INPP4A: variants seen among roughly 807,000 people sequenced by gnomAD.
INPP4A encodes inositol polyphosphate-4-phosphatase type I A.
INPP4A carries 33 observed loss-of-function variants against 119.8 expected under a neutral mutation model. The observed-to-expected ratio is 0.28, with a 90% CI of 0.21 to 0.37. INPP4A has a LOEUF of 0.37. Ranked by LOEUF, INPP4A falls within the 10% of genes least tolerant of loss-of-function variation. The probability of loss-of-function intolerance (pLI) is 1.00; values close to 1 mark genes in which losing one functional copy is unlikely to be tolerated. For missense variants in INPP4A, 956 were observed against 1,289.9 expected, an observed-to-expected ratio of 0.74 and a Z score of 3.97; for synonymous variants, 496 against 500.7, an observed-to-expected ratio of 0.99 and a Z score of 0.12.
In INPP4A at chr2:98,570,076, C is replaced by T. The variant is rs1697183001; in HGVS notation, c.2518+1408C>T. On this transcript the variant is annotated intron_variant, in intron 22 of 24. Coordinates refer to ENST00000409851, the MANE Select transcript of INPP4A (RefSeq NM_001134225.2). The surrounding 1 kb of genome is among the most constrained non-coding windows in gnomAD (Gnocchi z 4.3). ...GTGTCTGCTGGGAGAGCTGACAGAC[C>T]TGGCTCTGGGCAAGGACGCTGGAGT... 6.6e-6 allele frequency among the ~76,000 whole-genome samples: 1 copy of T among 152,068 alleles called. No individual in the cohort carries two copies. Among genetic ancestry groups the T allele is most frequent in the Non-Finnish European group, 1.5e-5 (1 of 68,004 alleles).
At chr2:98,585,062 C>A (rs1699805890) in intron 24 of INPP4A, among the ~76,000 whole-genome samples, 1 of 152,170 alleles carries the variant, frequency 6.6e-6, no homozygotes, top group African/African-American at 2.4e-5. Flanking sequence ...TTAGGGAAAC[C>A]ACAATCAGGA....
At chr2:98,455,834 G>A (rs1696045716) in intron 1 of INPP4A, among the ~76,000 whole-genome samples, 1 of 152,200 alleles carries the variant, frequency 6.6e-6, no homozygotes. Flanking sequence ...TAGAGAAGAA[G>A]AAACATAGTG....
chr2:98,574,145 C>G (rs1698001188), intron 23 of INPP4A, among the ~76,000 whole-genome samples: 1 of 152,158 alleles, frequency 6.6e-6, no homozygotes, highest in Non-Finnish European at 1.5e-5. Flanking sequence ...ATTGCTTGCT[C>G]AGGCCAGGCC....
At position 98,578,709 on chromosome 2, in the gene INPP4A, C is replaced by T. The variant is rs570954815; in HGVS notation, c.2786+1566C>T. 1.2e-4 allele frequency among the ~76,000 whole-genome samples: 19 copies of T among 152,340 alleles called. No individual in the cohort carries two copies. In the South Asian group the frequency reaches 3.7e-3, roughly 30 times the overall value. On this transcript the variant is annotated intron_variant, in intron 24 of 24. Coordinates refer to ENST00000409851, the MANE Select transcript of INPP4A (RefSeq NM_001134225.2). ...TACAGCTGTTAGGATGTATAGTGCA[C>T]AAAGCACTTTTTATAACTTTTACTC... is the stretch of plus-strand genomic sequence containing the variant.
In INPP4A at chr2:98,520,302, CCAG is replaced by C. The variant is rs1686939574; in HGVS notation, c.106+149_106+151del. On this transcript the variant is annotated intron_variant, in intron 3 of 24. Transcript: ENST00000409851. ...CTGGTTTGGCATCCTTCTGGTTGAA[CCAG>C]GAAATAGGGAAGGGGGATGTCAGCC... 6.1e-6 allele frequency: 4 copies of C among 660,672 alleles called. No individual in the cohort carries two copies. In the South Asian group the frequency reaches 7.4e-5, roughly 12 times the overall value. The allele number at this position is 660,672 out of a possible 1,614,324, so 40.9% of individuals were successfully genotyped here.
intron 4 of INPP4A, among the ~76,000 whole-genome samples, chr2:98,524,725 A>T (rs935714859): frequency 4.6e-5 from 7 of 151,048 alleles, no homozygotes; most frequent in Non-Finnish European, 8.8e-5. Flanking sequence ...AGACAAGTAG[A>T]TCAATCAAAT....
At chr2:98,448,146 A>C (rs1421090148) in intron 1 of INPP4A, among the ~76,000 whole-genome samples, 1 of 151,802 alleles carries the variant, frequency 6.6e-6, no homozygotes, top group Non-Finnish European at 1.5e-5. Context: ...ACTTGAGTCC[A>C]GGAGTTTGAG....
intron 14 of INPP4A, among the ~76,000 whole-genome samples, chr2:98,553,550 C>T (rs1386225038): frequency 6.6e-6 from 1 of 150,750 alleles, no homozygotes; most frequent in Non-Finnish European, 1.5e-5. Flanking sequence ...CACAAACACG[C>T]TCTCATACAC....
chr2:98,576,771 C>A (rs1345021650), intron 23 of INPP4A, among the ~76,000 whole-genome samples: 1 of 152,190 alleles, frequency 6.6e-6, no homozygotes, highest in African/African-American at 2.4e-5. Context: ...AGGCGGCAGG[C>A]CCCCAAAAGG....
Position 98,533,377 on chromosome 2 carries a change from C to T in INPP4A, c.152C>T (p.Ala51Val). 1 of 1,600,488 alleles carries T rather than the reference C, an allele frequency of 6.2e-7. No homozygotes were observed. Among genetic ancestry groups the T allele is most frequent in the Middle Eastern group, 1.7e-4 (1 of 6,044 alleles). The change falls in exon 5 of 25, where the codon GCT (alanine) becomes GTT (valine). Residue 51 changes from alanine to valine, a missense_variant and splice_region_variant. Ala to Val is a moderately conservative substitution (Grantham distance 64). Transcript: ENST00000409851. ...TTTCTTTCCCGTGTTGATTCTGTAGCTTGCAGTGAGCTGCATACTCCATCG... is the reference window on the plus strand; with the variant it reads ...TTTCTTTCCCGTGTTGATTCTGTAGTTTGCAGTGAGCTGCATACTCCATCG... ...PDEPILEFSL[A>V]CSELHTPSLD...
At chr2:98,525,060 G>C (rs578037743) in intron 4 of INPP4A, among the ~76,000 whole-genome samples, 2 of 152,214 alleles carry the variant, frequency 1.3e-5, no homozygotes, top group Admixed American at 6.5e-5. Context: ...TATTTAGAAG[G>C]CCTCTGGGGC....
At position 98,564,786 on chromosome 2, in the gene INPP4A, G is replaced by A. The variant is rs543801431; in HGVS notation, c.2152+23G>A. On this transcript the variant is annotated intron_variant, in intron 19 of 24. Transcript: ENST00000409851. ...ACGGTGAGGCGCCCGGGCCAGGATC[G>A]GGAGCCCCACTTGCGTGTGTGGTTT... 4.4e-4 allele frequency: 689 copies of A among 1,559,990 alleles called. 9 individuals are homozygous for A. The South Asian group carries it at 7.1e-3, about 16-fold the overall frequency.
chr2:98,474,228 C>T (rs1264539494), intron 1 of INPP4A, among the ~76,000 whole-genome samples: 1 of 152,198 alleles, frequency 6.6e-6, no homozygotes, highest in African/African-American at 2.4e-5. Flanking sequence ...GCCTCAAGAG[C>T]GGCCTGTGTG....
At chr2:98,453,156 A>G (rs927672752) in intron 1 of INPP4A, among the ~76,000 whole-genome samples, 1 of 152,192 alleles carries the variant, frequency 6.6e-6, no homozygotes, top group African/African-American at 2.4e-5. Flanking sequence ...TCCTGAAACT[A>G]AAGAGTTGAG....
At chr2:98,526,126 CA>C (rs1214046902) in intron 4 of INPP4A, among the ~76,000 whole-genome samples, 1 of 152,060 alleles carries the variant, frequency 6.6e-6, no homozygotes, top group Non-Finnish European at 1.5e-5. Flanking sequence ...AATGAATTAT[CA>C]ATACATGTAA....
rs1465721454 is a variant in INPP4A, at chr2:98,587,911, C to G, written c.*303C>G. On this transcript the variant is annotated 3_prime_UTR_variant, in exon 25 of 25. Transcript: ENST00000409851. The stretch of plus-strand genomic sequence containing the variant: ...TCAATAGTTACCTACATGAATCAAG[C>G]TAGGTTTGTCTGAAATGCTAGAAGA... 7.7e-6 allele frequency: 2 copies of G among 260,292 alleles called. No individual in the cohort carries two copies. Among genetic ancestry groups the G allele is most frequent in the African/African-American group, 2.2e-5 (1 of 46,036 alleles). 16.1% of individuals were successfully genotyped at this position (260,292 alleles called of 1,614,324 possible).
intron 1 of INPP4A, among the ~76,000 whole-genome samples, chr2:98,453,897 G>A (rs1419329138): frequency 1.3e-5 from 2 of 152,012 alleles, no homozygotes; most frequent in African/African-American, 2.4e-5. Flanking sequence ...ACCTGAGGTC[G>A]GGGGTTCAAG....
rs567752216 is a variant in INPP4A, at chr2:98,477,550, G to A, written c.-166+32465G>A. ...GAGCCTCAATGTCGGCGAGTCTTGG[G>A]CCATTTTGGCTGTTGATTGCCTCTC... is the stretch of plus-strand genomic sequence containing the variant. On this transcript the variant is annotated intron_variant, in intron 1 of 24. Transcript: ENST00000409851. Among the ~76,000 whole-genome samples, 154 of 152,366 alleles carry A rather than the reference G, an allele frequency of 1.0e-3. 2 individuals carry two copies. The highest frequency in any genetic ancestry group is 3.4e-3 in the Middle Eastern group (1 of 294).
chr2:98,484,373 C>CT (rs929058482), intron 1 of INPP4A, among the ~76,000 whole-genome samples: 57 of 152,284 alleles, frequency 3.7e-4, no homozygotes, highest in African/African-American at 1.3e-3. Flanking sequence ...CTCACTGTAT[C>CT]TTTGTTTCCC....
Sources: allele counts gnomAD v4.1 joint callset (sites outside exome capture counted in the v4.1 genomes callset), GRCh38; gene constraint gnomAD v4.1.1; non-coding constraint Gnocchi (gnomAD v3.1); transcripts MANE v1.5; gene names NCBI Gene and HGNC (gene_info 2026-07-23, HGNC 2026-07-21).